Variants in FANCL observed in about 807,000 individuals in gnomAD.
FANCL encodes the protein E3 ubiquitin-protein ligase FANCL.
Under a neutral mutation model 59.4 loss-of-function variants are expected in FANCL, and 69 were observed. The observed-to-expected ratio is 1.16, with a 90% confidence interval of 0.96 to 1.42. The LOEUF is 1.42. FANCL is among the 40% of genes most tolerant of loss of function. The pLI, the probability that FANCL is intolerant of heterozygous loss-of-function variation, is 0.00. For synonymous variants in FANCL, 180 were observed against 147.1 expected (o/e 1.22, Z -1.62); for missense variants, 519 against 447.2 (o/e 1.16, Z -1.45).
At chr2:58,198,515 C>A in intron 7 of FANCL, 79 bp downstream of exon 7, 1 of 1,188,952 alleles carries the variant, frequency 8.4e-7, no homozygotes, top group Non-Finnish European at 1.2e-6. Context: ...AAGAAATAAT[C>A]CCCCCATGGA....
chr2:58,219,056 A>T (rs1692141404), intron 5 of FANCL, among the ~76,000 whole-genome samples: 1 of 148,316 alleles, frequency 6.7e-6, no homozygotes. Flanking sequence ...AAAAGCAACC[A>T]GGACTCCTTG....
At chr2:58,217,197 TATATATATATATATATATACACACAC>T (rs1271132351) in intron 5 of FANCL, among the ~76,000 whole-genome samples, 348 of 13,550 alleles carry the variant, frequency 0.026, 27 homozygotes, top group Non-Finnish European at 0.061. Context: ...TATATATATA[TATATATATATATATATATACACACAC>T]ACACACACAC....
At chr2:58,206,316 T>A (rs1449979369) in intron 5 of FANCL, among the ~76,000 whole-genome samples, 1 of 151,714 alleles carries the variant, frequency 6.6e-6, no homozygotes, top group Non-Finnish European at 1.5e-5. Flanking sequence ...AAATATTGCA[T>A]GTAGGCAGAT....
intron 11 of FANCL, 47 bp downstream of exon 11, chr2:58,162,819 T>G (rs1340626572): frequency 6.6e-7 from 1 of 1,506,154 alleles, no homozygotes; most frequent in Non-Finnish European, 9.2e-7. Flanking sequence ...CATTTAAACT[T>G]CATTATGCAA....
intron 5 of FANCL, among the ~76,000 whole-genome samples, chr2:58,220,263 G>A (rs1553454247): frequency 1.3e-5 from 2 of 152,158 alleles, no homozygotes; most frequent in Non-Finnish European, 2.9e-5. Flanking sequence ...AAACGGTAAG[G>A]TAAAGAAGTA....
At chr2:58,160,272 GT>G in intron 12 of FANCL, 93 bp from the exon 13 acceptor site, 1 of 1,299,466 alleles carries the variant, frequency 7.7e-7, no homozygotes, top group Non-Finnish European at 1.1e-6. Flanking sequence ...AGTGCATTAT[GT>G]TTTTATTCCA....
chr2:58,159,719 AATTTTTT>A lies in FANCL; in HGVS notation c.*39_*45del, dbSNP rs777591674. ...AGATGATACCAAAATTCCTTTTGAT[AATTTTTT>A]AAGTTTCCAGCTCTTCACCGAAATG... On this transcript the variant is annotated 3_prime_UTR_variant, in exon 14 of 14. Coordinates refer to ENST00000233741, the MANE Select transcript of FANCL (RefSeq NM_018062.4). 1.5e-5 allele frequency: 24 copies of A among 1,612,042 alleles called. No individual in the cohort carries two copies. The South Asian group carries it at 2.6e-4, about 18-fold the overall frequency.
Position 58,165,863 on chromosome 2 carries a change from T to C in FANCL, c.552A>G (p.Ile184Met), listed in dbSNP as rs1279333605. 1.2e-6 allele frequency: 2 copies of C among 1,613,862 alleles called. No homozygotes were observed. The highest frequency in any genetic ancestry group is 1.3e-5 in the African/African-American group (1 of 74,894). The change falls in exon 8 of 14, where the codon ATA (isoleucine) becomes ATG (methionine). Residue 184 changes from isoleucine (I) to methionine (M), a missense_variant. Ile to Met is a conservative substitution (Grantham distance 10). Transcript: ENST00000233741. The part of the protein sequence containing the change: ...CASWTPQSSL[I>M]SIYSQFLAAI... ...CTGCCAAAAACTGACTATAAATGCTTATTAAGGAGCTCTGTGAAAAAAATG... is the reference window on the plus strand; with the variant it reads ...CTGCCAAAAACTGACTATAAATGCTCATTAAGGAGCTCTGTGAAAAAAATG...
chr2:58,208,952 C>T (rs1573718660), intron 5 of FANCL, among the ~76,000 whole-genome samples: 1 of 152,246 alleles, frequency 6.6e-6, no homozygotes, highest in East Asian at 1.9e-4. Flanking sequence ...CTTATGTGAG[C>T]CACTGATCTA....
chr2:58,164,158 A>C (rs1339723852), intron 8 of FANCL, among the ~76,000 whole-genome samples: 2 of 152,054 alleles, frequency 1.3e-5, no homozygotes, highest in African/African-American at 2.4e-5. Flanking sequence ...TATACATTTT[A>C]ACTGTACTGG....
At chr2:58,175,608 T>A (rs926794610) in intron 7 of FANCL, among the ~76,000 whole-genome samples, 6 of 152,054 alleles carry the variant, frequency 3.9e-5, no homozygotes, top group African/African-American at 1.4e-4. Context: ...AAACTCTCAA[T>A]AAATTAGGTA....
At chr2:58,189,025 T>A (rs1408464222) in intron 7 of FANCL, among the ~76,000 whole-genome samples, 1 of 152,124 alleles carries the variant, frequency 6.6e-6, no homozygotes, top group Non-Finnish European at 1.5e-5. Context: ...CAGAATTATA[T>A]AAGATTCTGT....
At chr2:58,165,598 A>T (rs1685838855) in intron 8 of FANCL, 126 bp downstream of exon 8, 2 of 1,205,744 alleles carry the variant, frequency 1.7e-6, no homozygotes, top group South Asian at 1.3e-5. Context: ...AAAAAAGTTT[A>T]TACTAGAAAA....
chr2:58,240,452 G>A (rs911677577), intron 1 of FANCL, among the ~76,000 whole-genome samples: 1 of 152,182 alleles, frequency 6.6e-6, no homozygotes, highest in African/African-American at 2.4e-5. Flanking sequence ...CACAGCCTGC[G>A]TTTAAGGGAT....
chr2:58,191,826 T>G (rs1045308274), intron 7 of FANCL, among the ~76,000 whole-genome samples: 2 of 151,974 alleles, frequency 1.3e-5, no homozygotes, highest in African/African-American at 4.8e-5. Flanking sequence ...TACATCACTT[T>G]GTACATTTGT....
intron 5 of FANCL, among the ~76,000 whole-genome samples, chr2:58,205,821 G>T (rs1014144567): frequency 6.6e-6 from 1 of 151,904 alleles, no homozygotes; most frequent in Non-Finnish European, 1.5e-5. Flanking sequence ...GAAATTATGG[G>T]AATTTTTAAG....
chr2:58,161,342 A>C (rs1269203792), intron 12 of FANCL, among the ~76,000 whole-genome samples, 180 bp downstream of exon 12: 1 of 151,960 alleles, frequency 6.6e-6, no homozygotes, highest in Non-Finnish European at 1.5e-5. Context: ...TCCACTCATT[A>C]GTAACTGTGA....
intron 5 of FANCL, among the ~76,000 whole-genome samples, chr2:58,213,300 G>A (rs576123484): frequency 3.2e-4 from 48 of 152,314 alleles, no homozygotes; most frequent in African/African-American, 1.0e-3. Context: ...ATTCTAGTAT[G>A]TGGACAGCAC....
chr2:58,166,978 C>G (rs1312061398), intron 7 of FANCL, among the ~76,000 whole-genome samples: 2 of 152,158 alleles, frequency 1.3e-5, no homozygotes, highest in African/African-American at 4.8e-5. Context: ...CTCTGGGAGG[C>G]TGAGGTGCGC....
Sources: allele counts gnomAD v4.1 joint callset (sites outside exome capture counted in the v4.1 genomes callset), GRCh38; gene constraint gnomAD v4.1.1; transcripts MANE v1.5; gene names NCBI Gene and HGNC (gene_info 2026-07-23, HGNC 2026-07-21).